Variants in CA5B observed in about 807,000 individuals in gnomAD.
The protein encoded by CA5B is carbonic anhydrase 5B.
A neutral mutation model predicts 23.1 loss-of-function variants in CA5B; 15 were observed. The ratio of observed to expected loss-of-function variants is 0.65; its 90% CI spans 0.43 to 1.00. CA5B has a LOEUF of 1.00. Among genes scored for constraint, CA5B ranks in the 50% least tolerant of loss-of-function variants. The pLI, the probability that CA5B is intolerant of heterozygous loss-of-function variation, is 0.00. For missense variants in CA5B, 236 were observed against 252.2 expected, an observed-to-expected ratio of 0.94 and a Z score of 0.43; for synonymous variants, 84 against 98.5, an observed-to-expected ratio of 0.85 and a Z score of 0.87.
chrX:15,766,030 G>A (rs1931700996), intron 3 of CA5B, among the ~76,000 whole-genome samples: 1 of 107,908 alleles, frequency 9.3e-6, no homozygotes, highest in Non-Finnish European at 1.9e-5. Flanking sequence ...GGTGGCGCAT[G>A]CCTGTAATCC....
rs944305092 is a variant in CA5B, at chrX:15,767,036, A to G, written c.340+2261A>G. On this transcript the variant is annotated intron_variant, in intron 3 of 7. Transcript: ENST00000318636. ...ACTGTCTGGCACTCTGGTGAGCTCTACTTGTCCCCCATGGGGCTCTACCAT... is the reference window on the plus strand; with the variant it reads ...ACTGTCTGGCACTCTGGTGAGCTCTGCTTGTCCCCCATGGGGCTCTACCAT... 26 of 831,968 alleles carry G rather than the reference A, an allele frequency of 3.1e-5. No individual in the cohort carries two copies. In the East Asian group the frequency reaches 3.3e-4, roughly 10 times the overall value. The allele number at this position is 831,968 out of a possible 1,213,427, so 68.6% of individuals were successfully genotyped here. A position where few individuals can be genotyped will look rare whatever the true frequency, so the allele number is the denominator to read the frequency against.
chrX:15,760,993 G>T (rs1389271059), intron 2 of CA5B, among the ~76,000 whole-genome samples: 1 of 110,980 alleles, frequency 9.0e-6, no homozygotes, highest in East Asian at 2.8e-4. Context: ...AAGTGTTTGG[G>T]TGGATATAAC....
chrX:15,775,376 C>A, intron 6 of CA5B, 68 bp downstream of exon 6: 1 of 1,125,334 alleles, frequency 8.9e-7, no homozygotes. Context: ...GGAGACATTA[C>A]CAAGGCACTT....
At chrX:15,766,290 TACAA>T (rs1931708670) in intron 3 of CA5B, among the ~76,000 whole-genome samples, 1 of 111,151 alleles carries the variant, frequency 9.0e-6, no homozygotes, top group Non-Finnish European at 1.9e-5. Flanking sequence ...CTGGCCTAAC[TACAA>T]ACAGACTGCT....
intron 2 of CA5B, among the ~76,000 whole-genome samples, chrX:15,762,602 C>T (rs1310758981): frequency 1.9e-4 from 21 of 110,108 alleles, no homozygotes; most frequent in East Asian, 8.7e-4. Flanking sequence ...CCACCACACC[C>T]GGCTAATTTT....
rs941924365 is a variant in CA5B, at chrX:15,776,040, G to A, written c.619-674G>A. The A allele has an allele frequency of 3.6e-5, 27 of 750,683 alleles. No homozygotes were observed. In the African/African-American group the frequency reaches 3.7e-4, roughly 10 times the overall value. The allele number at this position is 750,683 out of a possible 1,213,427, so 61.9% of individuals were successfully genotyped here. ...AAGGACAATTCTCAGTTAGCCTCTC[G>A]AAAATGCAAAGCCTCCAACCGGGCG... On this transcript the variant is annotated intron_variant, in intron 6 of 7. Transcript: ENST00000318636.
Position 15,775,266 on chromosome X carries a change from G to A in CA5B, c.576G>A (p.Glu192=), listed in dbSNP as rs759855478. The change falls in exon 6 of 8, where the codon GAG becomes GAA. Residue 192 remains glutamate, a synonymous_variant. Transcript: ENST00000318636. ...VFLKLGKHHK[E]LQKLVDTLPS... Reference sequence around the variant, plus strand: ...TTTAGCTAGGCAAACATCATAAGGAGCTACAGAAATTAGTGGATACTTTGC... The same window carrying A: ...TTTAGCTAGGCAAACATCATAAGGAACTACAGAAATTAGTGGATACTTTGC... 8.3e-7 allele frequency: 1 copy of A among 1,199,576 alleles called. No individual in the cohort carries two copies. The highest frequency in any genetic ancestry group is 1.8e-5 in the South Asian group (1 of 55,038).
intron 6 of CA5B, among the ~76,000 whole-genome samples, chrX:15,776,511 A>C (rs1931933764): frequency 9.0e-6 from 1 of 111,335 alleles, no homozygotes. Context: ...GAATATAAAA[A>C]ATGCACAGTT....
intron 2 of CA5B, among the ~76,000 whole-genome samples, chrX:15,761,146 C>T (rs746907915): frequency 6.6e-4 from 72 of 109,137 alleles, no homozygotes; most frequent in Non-Finnish European, 1.3e-3. Flanking sequence ...TGCGTAGTTG[C>T]CATGATTGCT....
intron 6 of CA5B, chrX:15,775,750 A>T (rs760234365): frequency 9.3e-6 from 7 of 751,123 alleles, no homozygotes; most frequent in East Asian, 1.5e-4. Context: ...TTAATTCTTC[A>T]ATATTCAGAA....
At chrX:15,757,616 G>A (rs1197479155) in intron 2 of CA5B, among the ~76,000 whole-genome samples, 1 of 108,994 alleles carries the variant, frequency 9.2e-6, no homozygotes, top group Non-Finnish European at 1.9e-5. Context: ...GCTGACGCAG[G>A]AAAATTGCTT....
At chrX:15,759,481 G>A (rs904444354) in intron 2 of CA5B, among the ~76,000 whole-genome samples, 3 of 111,349 alleles carry the variant, frequency 2.7e-5, no homozygotes, top group Non-Finnish European at 5.7e-5. Flanking sequence ...GGACCTTGCC[G>A]GACACCCAGT....
At chrX:15,749,438 G>C (rs1423948015) in intron 1 of CA5B, among the ~76,000 whole-genome samples, 1 of 112,041 alleles carries the variant, frequency 8.9e-6, no homozygotes, top group Admixed American at 9.5e-5. Flanking sequence ...TTTAAGCTCA[G>C]ATTTCAAAAC....
intron 1 of CA5B, chrX:15,745,538 CAAAA>C (rs1254099223): frequency 8.9e-6 from 1 of 112,016 alleles, no homozygotes; most frequent in Non-Finnish European, 1.9e-5. Flanking sequence ...TAAAAGGTAA[CAAAA>C]AAAGAAGTAT....
At chrX:15,767,897 C>CT (rs59290756) in intron 3 of CA5B, among the ~76,000 whole-genome samples, 17,884 of 52,211 alleles carry the variant, frequency 0.34, 4,449 homozygotes, top group African/African-American at 0.54. Context: ...TGCACCTGGC[C>CT]TTTTTTTTTT....
intron 2 of CA5B, among the ~76,000 whole-genome samples, chrX:15,752,519 A>G (rs928146889): frequency 9.7e-6 from 1 of 103,603 alleles, no homozygotes; most frequent in Admixed American, 1.1e-4. Flanking sequence ...AGGTCAGGAG[A>G]TCAAGACTAT....
chrX:15,759,924 T>C (rs1245034092), intron 2 of CA5B, among the ~76,000 whole-genome samples: 2 of 107,098 alleles, frequency 1.9e-5, no homozygotes, highest in African/African-American at 6.8e-5. Context: ...AGCTAATTTT[T>C]TGTATCTTTA....
At chrX:15,759,572 T>C (rs1159632299) in intron 2 of CA5B, among the ~76,000 whole-genome samples, 1 of 110,593 alleles carries the variant, frequency 9.0e-6, no homozygotes, top group Non-Finnish European at 1.9e-5. Flanking sequence ...CCACCTAGTC[T>C]ATGACATTCT....
rs184095824 is a variant in CA5B, at chrX:15,746,593, G to T, written c.-53-3378G>T. ...TTACCAAGACAGGGGAATTGCAATG[G>T]AGAAAGAGTAATTCACATAGAGCCA... On this transcript the variant is annotated intron_variant, in intron 1 of 7. Coordinates refer to ENST00000318636, the MANE Select transcript of CA5B (RefSeq NM_007220.4). 3.4e-3 allele frequency among the ~76,000 whole-genome samples: 382 copies of T among 111,666 alleles called. 1 individual carries two copies. Among genetic ancestry groups the T allele is most frequent in the African/African-American group, 0.012 (370 of 30,717 alleles).
Sources: gnomAD v4.1 joint callset for allele counts (sites outside exome capture counted in the v4.1 genomes callset) on GRCh38, gnomAD v4.1.1 for gene constraint, MANE v1.5 for transcripts, NCBI Gene and HGNC (gene_info 2026-07-23, HGNC 2026-07-21) for gene names.